PTCHD4: variants seen among roughly 807,000 people sequenced by gnomAD.
The protein encoded by PTCHD4 is patched domain containing 4, also known as patched domain-containing protein 4.
PTCHD4 carries 33 observed loss-of-function variants against 58.1 expected under a neutral mutation model. The observed-to-expected ratio is 0.57, with a 90% confidence interval of 0.43 to 0.76. PTCHD4 has a LOEUF of 0.76. PTCHD4 is among the 30% of genes least tolerant of loss of function. PTCHD4 has a pLI of 0.00. For synonymous variants in PTCHD4, 478 were observed against 409.6 expected (o/e 1.17, Z -2.02); for missense variants, 1,058 against 1,027.1 (o/e 1.03, Z -0.41).
At chr6:47,931,252 C>G (rs148241123) in intron 4 of PTCHD4, among the ~76,000 whole-genome samples, 152 of 152,312 alleles carry the variant, frequency 1.0e-3, no homozygotes, top group Non-Finnish European at 1.8e-3. Context: ...AAAATGATCA[C>G]CAGTCTTACT....
intron 4 of PTCHD4, among the ~76,000 whole-genome samples, chr6:47,903,394 G>C (rs1581853296): frequency 6.6e-6 from 1 of 152,134 alleles, no homozygotes; most frequent in Non-Finnish European, 1.5e-5. Context: ...TCAGTTCACT[G>C]TAGCCTCAAC....
At chr6:47,963,005 T>C (rs1468096725) in intron 4 of PTCHD4, among the ~76,000 whole-genome samples, 5 of 151,944 alleles carry the variant, frequency 3.3e-5, no homozygotes, top group Admixed American at 1.3e-4. Context: ...CTTAAAATAC[T>C]GTACTCCCAG....
chr6:48,104,635 C>T (rs920997489), intron 1 of PTCHD4, among the ~76,000 whole-genome samples: 2 of 152,078 alleles, frequency 1.3e-5, no homozygotes, highest in Admixed American at 6.5e-5. Context: ...CTAAATGCTC[C>T]AATTAAAAGG....
chr6:48,037,283 T>C (rs1763673293), intron 3 of PTCHD4, among the ~76,000 whole-genome samples: 1 of 152,206 alleles, frequency 6.6e-6, no homozygotes, highest in African/African-American at 2.4e-5. Flanking sequence ...GTGCCTCACA[T>C]ATAAACTAAA....
intron 4 of PTCHD4, among the ~76,000 whole-genome samples, chr6:47,990,042 C>T (rs1768223379): frequency 6.6e-6 from 1 of 152,174 alleles, no homozygotes; most frequent in Admixed American, 6.5e-5. Flanking sequence ...ATCAGTGTGA[C>T]CTCGATGTGG....
intron 4 of PTCHD4, among the ~76,000 whole-genome samples, chr6:47,882,284 T>C (rs1410835487): frequency 1.3e-5 from 2 of 152,204 alleles, no homozygotes; most frequent in African/African-American, 4.8e-5. Flanking sequence ...GAACATTAGG[T>C]ACACTATGTA....
In PTCHD4 at chr6:48,068,386, G is replaced by T. The variant is rs1302733772; in HGVS notation, c.261C>A (p.Ser87Arg). The change falls in exon 3 of 5, where the codon AGC becomes AGA. Residue 87 changes from serine to arginine, a missense_variant. By Grantham distance (110) the Ser-to-Arg change is moderately radical. Coordinates refer to ENST00000339488, the MANE Select transcript of PTCHD4 (RefSeq NM_001384253.1). The surrounding 1 kb of genome is among the most constrained non-coding windows in gnomAD (Gnocchi z 4.2). ...TTTTGGACTGGTCCAGGGGGAAAAG[G>T]CTGCTGGCCAGGCTGCGCTCGATCT... ...LAKIERSLAS[S>R]LFPLDQSKSQ... 1.9e-6 allele frequency: 3 copies of T among 1,613,988 alleles called. No individual in the cohort carries two copies. Among genetic ancestry groups the T allele is most frequent in the Middle Eastern group, 1.6e-4 (1 of 6,062 alleles).
chr6:47,999,327 T>C (rs1768628796), intron 4 of PTCHD4, among the ~76,000 whole-genome samples: 1 of 152,136 alleles, frequency 6.6e-6, no homozygotes, highest in South Asian at 2.1e-4. Flanking sequence ...CCAGTGTTTT[T>C]CAAAAGAGGT....
At chr6:48,076,164 C>G (rs1562041086) in intron 1 of PTCHD4, among the ~76,000 whole-genome samples, 1 of 152,200 alleles carries the variant, frequency 6.6e-6, no homozygotes, top group East Asian at 1.9e-4. Flanking sequence ...CTTTGCTCAT[C>G]TATAGGAAAC....
intron 4 of PTCHD4, among the ~76,000 whole-genome samples, chr6:47,908,649 C>T (rs182061434): frequency 3.3e-5 from 5 of 152,282 alleles, no homozygotes; most frequent in South Asian, 2.1e-4. Context: ...CTCTCAGTAA[C>T]GCATCTTATC....
At chr6:48,035,877 T>G (rs1164690699) in intron 3 of PTCHD4, among the ~76,000 whole-genome samples, 9 of 152,148 alleles carry the variant, frequency 5.9e-5, no homozygotes, top group Admixed American at 5.9e-4. Flanking sequence ...TCCTTGGCTA[T>G]AAATTCGCAC....
chr6:47,886,963 G>A (rs566634341), intron 4 of PTCHD4, among the ~76,000 whole-genome samples: 4 of 152,228 alleles, frequency 2.6e-5, no homozygotes, highest in South Asian at 4.1e-4. Flanking sequence ...GAGATTGCCC[G>A]TTGGTGGGCC....
chr6:47,923,133 T>G (rs910424517), intron 4 of PTCHD4, among the ~76,000 whole-genome samples: 1 of 152,232 alleles, frequency 6.6e-6, no homozygotes, highest in African/African-American at 2.4e-5. Flanking sequence ...TCAGATATAC[T>G]GACTCTTCTG....
rs1183299389 is a variant in PTCHD4 at position 47,873,530 on chromosome 6, C to T, written c.*4773G>A. On this transcript the variant is annotated 3_prime_UTR_variant, in exon 5 of 5. Coordinates refer to ENST00000339488, the MANE Select transcript of PTCHD4 (RefSeq NM_001384253.1). ...ACTGCTGCTATACCCATACACAGTC[C>T]CTCCCCTGCTGGATCTCATGCAGTG... Among the ~76,000 whole-genome samples, 1 of 151,670 alleles carries T rather than the reference C, an allele frequency of 6.6e-6. No homozygotes were observed. The highest frequency in any genetic ancestry group is 1.9e-4 in the East Asian group (1 of 5,150).
intron 1 of PTCHD4, among the ~76,000 whole-genome samples, chr6:48,101,075 A>G (rs1016590895): frequency 3.3e-5 from 5 of 152,118 alleles, no homozygotes; most frequent in Non-Finnish European, 5.9e-5. Flanking sequence ...AGAAAAAAGA[A>G]AAAAGGAAAA....
At position 47,990,329 on chromosome 6, in the gene PTCHD4, G is replaced by A. The variant is rs548844446; in HGVS notation, c.898+18305C>T. Among the ~76,000 whole-genome samples the A allele has an allele frequency of 3.3e-5, 5 of 152,280 alleles. No individual in the cohort carries two copies. In the East Asian group the frequency reaches 7.7e-4, roughly 24 times the overall value. On this transcript the variant is annotated intron_variant, in intron 4 of 4. Transcript: ENST00000339488. Reference sequence around the variant, plus strand: ...CTTTGGGGGACTGTTGGAAAGGCATGACTGGTTTTGAAATGTGAGGATGTG... The same window carrying A: ...CTTTGGGGGACTGTTGGAAAGGCATAACTGGTTTTGAAATGTGAGGATGTG...
chr6:47,996,728 T>C (rs1035676553), intron 4 of PTCHD4, among the ~76,000 whole-genome samples: 1 of 152,214 alleles, frequency 6.6e-6, no homozygotes, highest in Non-Finnish European at 1.5e-5. Flanking sequence ...TACTTTTAAG[T>C]GCATGAAGCT....
At chr6:48,015,986 CA>C (rs1215511790) in intron 3 of PTCHD4, among the ~76,000 whole-genome samples, 1 of 151,826 alleles carries the variant, frequency 6.6e-6, no homozygotes, top group East Asian at 1.9e-4. Flanking sequence ...AGTAGGAACT[CA>C]AATGAAAAGA....
At chr6:47,995,544 T>G (rs1387439591) in intron 4 of PTCHD4, among the ~76,000 whole-genome samples, 1 of 152,236 alleles carries the variant, frequency 6.6e-6, no homozygotes, top group Non-Finnish European at 1.5e-5. Flanking sequence ...GTCAACATGC[T>G]TAATGGGATT....
Sources: gnomAD v4.1 joint callset for allele counts (sites outside exome capture counted in the v4.1 genomes callset) on GRCh38, gnomAD v4.1.1 for gene constraint, Gnocchi (gnomAD v3.1) non-coding constraint, MANE v1.5 for transcripts, NCBI Gene and HGNC (gene_info 2026-07-23, HGNC 2026-07-21) for gene names.